The following TET1 variants were observed in gnomAD, a reference collection of about 807,000 sequenced individuals.
TET1 encodes the protein tet methylcytosine dioxygenase 1, also known as methylcytosine dioxygenase TET1.
TET1 carries 13 observed loss-of-function variants against 148.7 expected under a neutral mutation model. The observed-to-expected ratio is 0.09, with a 90% CI of 0.06 to 0.14. The LOEUF is 0.14. TET1 is among the 10% of genes least tolerant of loss of function. The pLI is 1.00. For synonymous variants in TET1, 907 were observed against 937.2 expected (o/e 0.97, Z 0.59); for missense variants, 2,182 against 2,553.8 (o/e 0.85, Z 3.14).
intron 2 of TET1, among the ~76,000 whole-genome samples, chr10:68,599,594 G>A (rs2054028433): frequency 1.3e-5 from 2 of 152,236 alleles, no homozygotes; most frequent in Admixed American, 1.3e-4. Flanking sequence ...TGTGTGTCGG[G>A]AGATGGTGGT....
rs2133686713 is a variant in TET1 at position 68,572,803 on chromosome 10, T to C, written c.465T>C (p.Asn155=). Reference sequence around the variant, plus strand: ...CTTTGGGAGTAAAGCACTCAGAAAATGATTCGGTTCCAATGCAAGACACCC... The same window carrying C: ...CTTTGGGAGTAAAGCACTCAGAAAACGATTCGGTTCCAATGCAAGACACCC... ...LPALGVKHSE[N]DSVPMQDTQV... is the part of the protein sequence containing the mutation. The change falls in exon 2 of 12, where the codon AAT becomes AAC. Residue 155 remains asparagine, a synonymous_variant. Transcript: ENST00000373644. 1 of 1,614,094 alleles carries C rather than the reference T, an allele frequency of 6.2e-7. No individual in the cohort carries two copies. Among genetic ancestry groups the C allele is most frequent in the Non-Finnish European group, 8.5e-7 (1 of 1,180,002 alleles).
At chr10:68,638,058 C>T (rs542709427) in intron 3 of TET1, among the ~76,000 whole-genome samples, 5 of 152,180 alleles carry the variant, frequency 3.3e-5, no homozygotes, top group East Asian at 1.9e-4. Flanking sequence ...GGATTACAGG[C>T]GTGAGCCACC....
chr10:68,676,242 A>G (rs1358668082), intron 8 of TET1, among the ~76,000 whole-genome samples: 11 of 15,442 alleles, frequency 7.1e-4, no homozygotes, highest in African/African-American at 2.9e-3. Context: ...ATGTGTATAT[A>G]TATATATATA....
intron 10 of TET1, among the ~76,000 whole-genome samples, chr10:68,684,467 T>G (rs778363527): frequency 6.6e-6 from 1 of 152,094 alleles, no homozygotes; most frequent in African/African-American, 2.4e-5. Flanking sequence ...TGAAGTTATA[T>G]AAATCCAGCC....
intron 3 of TET1, among the ~76,000 whole-genome samples, chr10:68,627,850 C>G (rs908151751): frequency 1.3e-5 from 2 of 152,020 alleles, no homozygotes; most frequent in Non-Finnish European, 2.9e-5. Context: ...ATGGGACAAT[C>G]TCTTGAACCT....
intron 2 of TET1, among the ~76,000 whole-genome samples, chr10:68,596,983 T>C (rs1007442310): frequency 2.0e-5 from 3 of 151,754 alleles, no homozygotes; most frequent in Non-Finnish European, 4.4e-5. Flanking sequence ...CCTCTGAGCC[T>C]GATTTCATTT....
chr10:68,660,119 A>G (rs2055084224), intron 6 of TET1, among the ~76,000 whole-genome samples: 1 of 152,166 alleles, frequency 6.6e-6, no homozygotes, highest in African/African-American at 2.4e-5. Flanking sequence ...CCAGATCTGA[A>G]TCTGATCTGG....
chr10:68,620,597 CACACTTTTTA>C (rs1164689496), intron 3 of TET1, among the ~76,000 whole-genome samples: 1 of 151,672 alleles, frequency 6.6e-6, no homozygotes, highest in Admixed American at 6.6e-5. Flanking sequence ...CCCAAACACA[CACACTTTTTA>C]ACTACTATGA....
intron 6 of TET1, among the ~76,000 whole-genome samples, chr10:68,662,660 G>C (rs1029396859): frequency 4.6e-5 from 7 of 152,254 alleles, no homozygotes; most frequent in Admixed American, 2.0e-4. Context: ...CCAGCACTTT[G>C]GGAGGCTGAA....
intron 8 of TET1, chr10:68,675,068 A>T: frequency 1.8e-6 from 1 of 561,220 alleles, no homozygotes; most frequent in Non-Finnish European, 2.9e-6. Context: ...AAGTAGAACG[A>T]GCTGATGGAT....
In TET1 at chr10:68,691,687, C is replaced by A; in HGVS notation, c.6284C>A (p.Ser2095Tyr). The A allele has an allele frequency of 6.2e-7, 1 of 1,614,200 alleles. No individual in the cohort carries two copies. The highest frequency in any genetic ancestry group is 8.5e-7 in the Non-Finnish European group (1 of 1,180,050). The change falls in exon 12 of 12, where the codon TCC (serine) becomes TAC (tyrosine). Residue 2095 changes from serine to tyrosine, a missense_variant. This residue lies in a region of TET1 where 54 missense variants were observed against 44.4 expected (regional missense o/e 1.22). Transcript: ENST00000373644. The surrounding 1 kb of genome is among the most constrained non-coding windows in gnomAD (Gnocchi z 4.4). ...GCAGCTAATGAAGGTCCAGAACAGT[C>A]CTCTGAAGTAAATGAATTGAACCAA... is the stretch of plus-strand genomic sequence containing the variant. Reference protein sequence around the residue: ...DQAANEGPEQSSEVNELNQIP... With the variant: ...DQAANEGPEQYSEVNELNQIP...
chr10:68,634,475 A>G (rs747792843), intron 3 of TET1, among the ~76,000 whole-genome samples: 8 of 152,236 alleles, frequency 5.3e-5, no homozygotes, highest in Non-Finnish European at 1.0e-4. Flanking sequence ...AGTTAGCATT[A>G]GTATCCAGTG....
At chr10:68,584,697 A>T (rs555753253) in intron 2 of TET1, among the ~76,000 whole-genome samples, 31 of 152,112 alleles carry the variant, frequency 2.0e-4, no homozygotes, top group African/African-American at 7.0e-4. Flanking sequence ...TGACAGAGTG[A>T]GACTCCGTCT....
chr10:68,663,817 G>A (rs2055155772), intron 6 of TET1, among the ~76,000 whole-genome samples: 1 of 152,146 alleles, frequency 6.6e-6, no homozygotes, highest in African/African-American at 2.4e-5. Context: ...TGGTTTTTCT[G>A]TTTCCTATAT....
intron 1 of TET1, 92 bp downstream of exon 1, chr10:68,560,834 C>G (rs1436131957): frequency 6.6e-6 from 1 of 152,614 alleles, no homozygotes; most frequent in African/African-American, 2.4e-5. Context: ...GCGCTCGGCG[C>G]GGGCTGGATG....
chr10:68,664,469 C>T (rs901114894), intron 6 of TET1, among the ~76,000 whole-genome samples: 4 of 139,728 alleles, frequency 2.9e-5, no homozygotes, highest in African/African-American at 8.0e-5. Flanking sequence ...AGTGCAGTGG[C>T]GAGATCTGGG....
intron 3 of TET1, among the ~76,000 whole-genome samples, chr10:68,611,693 CTTTTCTT>C (rs1453342033): frequency 2.8e-5 from 4 of 142,850 alleles, no homozygotes; most frequent in African/African-American, 1.1e-4. Context: ...CTTTTCTTTT[CTTTTCTT>C]TTTCTTTCTT....
chr10:68,657,295 G>A (rs2055038040), intron 6 of TET1, among the ~76,000 whole-genome samples: 1 of 151,990 alleles, frequency 6.6e-6, no homozygotes, highest in South Asian at 2.1e-4. Context: ...TCCTGCCTCA[G>A]CCTCCCGAGT....
At position 68,652,481 on chromosome 10, in the gene TET1, T is replaced by C; in HGVS notation, c.4368-20T>C. 6.4e-7 allele frequency: 1 copy of C among 1,561,430 alleles called. No homozygotes were observed. Among genetic ancestry groups the C allele is most frequent in the Non-Finnish European group, 8.8e-7 (1 of 1,142,584 alleles). ...ATTGCAATTAATTAGTACATTCCCT[T>C]CACTGTGTTTTATACTCAGGTATGG... On this transcript the variant is annotated intron_variant, in intron 5 of 11. Transcript: ENST00000373644.
Sources: allele counts gnomAD v4.1 joint callset (sites outside exome capture counted in the v4.1 genomes callset), GRCh38; gene constraint gnomAD v4.1.1; regional missense constraint gnomAD v4.1.1; non-coding constraint Gnocchi (gnomAD v3.1); transcripts MANE v1.5; gene names NCBI Gene and HGNC (gene_info 2026-07-23, HGNC 2026-07-21).